GABARAP: variants seen among roughly 807,000 people sequenced by gnomAD.
The protein encoded by GABARAP is GABA type A receptor-associated protein.
Under a neutral mutation model 16.7 loss-of-function variants are expected in GABARAP, and 5 were observed. That is an observed-to-expected ratio of 0.30 (90% CI 0.16 to 0.63). GABARAP has a LOEUF of 0.63. Ranked by LOEUF, GABARAP falls within the 20% of genes least tolerant of loss-of-function variation. GABARAP has a pLI of 0.82. For missense variants in GABARAP, 84 were observed against 146.6 expected, an observed-to-expected ratio of 0.57 and a Z score of 2.21; for synonymous variants, 45 against 52.7, an observed-to-expected ratio of 0.85 and a Z score of 0.64.
At position 7,240,668 on chromosome 17, in the gene GABARAP, T is replaced by TTACAA; in HGVS notation, c.*181_*185dup. On this transcript the variant is annotated 3_prime_UTR_variant, in exon 4 of 4. Transcript: ENST00000302386. Reference sequence around the variant, plus strand: ...AAGGGGAAGAAAGGAGAAAGGAGAGTTACAAGATGCCAACTCCACCATTAC... The same window carrying TTACAA: ...AAGGGGAAGAAAGGAGAAAGGAGAGTTACAATACAAGATGCCAACTCCACCATTAC... The TTACAA allele has an allele frequency of 1.8e-6, 1 of 555,888 alleles. No homozygotes were observed. Among genetic ancestry groups the TTACAA allele is most frequent in the Non-Finnish European group, 3.2e-6 (1 of 311,218 alleles). 34.4% of individuals were successfully genotyped at this position (555,888 alleles called of 1,614,324 possible). A position where few individuals can be genotyped will look rare whatever the true frequency, so the allele number is the denominator to read the frequency against.
chr17:7,241,901 C>T (rs1953202595), intron 1 of GABARAP: 1 of 578,894 alleles, frequency 1.7e-6, no homozygotes. Flanking sequence ...TCACCATAAA[C>T]AACTATCTTA....
chr17:7,241,004 C>A, intron 3 of GABARAP, 85 bp from the exon 4 acceptor site: 1 of 872,578 alleles, frequency 1.1e-6, no homozygotes, highest in Non-Finnish European at 2.0e-6. Flanking sequence ...TCTAGAACCA[C>A]AAACCATTGC....
chr17:7,242,366 G>C lies in GABARAP; in HGVS notation c.-36C>G, dbSNP rs1318306459. ...ACCGGGCTGGACAGGGCTGGGCTGA[G>C]GGAACCCAGGGGGGCCGGGACGGGG... is the stretch of plus-strand genomic sequence containing the variant. On this transcript the variant is annotated 5_prime_UTR_variant, in exon 1 of 4. Transcript: ENST00000302386. 1 of 1,504,106 alleles carries C rather than the reference G, an allele frequency of 6.6e-7. No homozygotes were observed. The highest frequency in any genetic ancestry group is 9.2e-7 in the Non-Finnish European group (1 of 1,084,760). 93.2% of individuals were successfully genotyped at this position (1,504,106 alleles called of 1,614,324 possible).
At chr17:7,241,937 T>TA (rs1787318691) in intron 1 of GABARAP, 1 of 594,856 alleles carries the variant, frequency 1.7e-6, no homozygotes, top group Non-Finnish European at 3.0e-6. Flanking sequence ...CTTGTTTGGG[T>TA]CGACTAGTGA....
intron 1 of GABARAP, chr17:7,241,995 C>A (rs1212544950): frequency 1.7e-6 from 1 of 597,088 alleles, no homozygotes; most frequent in Non-Finnish European, 3.0e-6. Context: ...ATTTGAAGCT[C>A]AGGCTGTCAA....
Position 7,240,562 on chromosome 17 carries a change from A to C in GABARAP, c.*292T>G, listed in dbSNP as rs908278014. 6.3e-6 allele frequency: 2 copies of C among 317,354 alleles called. No homozygotes were observed. The highest frequency in any genetic ancestry group is 1.2e-5 in the Non-Finnish European group (2 of 168,808). The allele number at this position is 317,354 out of a possible 1,614,324, so 19.7% of individuals were successfully genotyped here. A position where few individuals can be genotyped will look rare whatever the true frequency, so the allele number is the denominator to read the frequency against. On this transcript the variant is annotated 3_prime_UTR_variant, in exon 4 of 4. Coordinates refer to ENST00000302386, the MANE Select transcript of GABARAP (RefSeq NM_007278.2). ...AGCCCCTTGGGCAGTCAGAAAGGGA[A>C]CAGAAACCAAAACAATCACTGGATG...
intron 1 of GABARAP, 44 bp downstream of exon 1, chr17:7,242,197 C>G (rs1045214962): frequency 1.3e-5 from 18 of 1,406,018 alleles, no homozygotes; most frequent in Non-Finnish European, 1.8e-5. Context: ...GCTGTGGCGT[C>G]AGCGTAAGCG....
chr17:7,241,505 G>A, intron 2 of GABARAP, 45 bp from the exon 3 acceptor site: 1 of 1,333,172 alleles, frequency 7.5e-7, no homozygotes, highest in South Asian at 1.2e-5. Context: ...GGTCAAAAAT[G>A]CCCTCAAAAG....
At position 7,240,521 on chromosome 17, in the gene GABARAP, GA is replaced by G; in HGVS notation, c.*332del. On this transcript the variant is annotated 3_prime_UTR_variant, in exon 4 of 4. Coordinates refer to ENST00000302386, the MANE Select transcript of GABARAP (RefSeq NM_007278.2). ...AAAAAAGAAGGTAGTGAAAGGAAGG[GA>G]TTGCTGGGGTTCTGAGCCCCTTGGG... is the stretch of plus-strand genomic sequence containing the variant. 1 of 216,834 alleles carries G rather than the reference GA, an allele frequency of 4.6e-6. No individual in the cohort carries two copies. The highest frequency in any genetic ancestry group is 2.3e-5 in the African/African-American group (1 of 43,310). 13.4% of individuals were successfully genotyped at this position (216,834 alleles called of 1,614,324 possible). A position where few individuals can be genotyped will look rare whatever the true frequency, so the allele number is the denominator to read the frequency against.
rs2071786191 is a variant in GABARAP, at chr17:7,242,337, G to A, written c.-7C>T. The A allele has an allele frequency of 4.3e-6, 7 of 1,611,782 alleles. No individual in the cohort carries two copies. In the South Asian group the frequency reaches 7.7e-5, roughly 18 times the overall value. ...CTTTGTACACGAACTTCATCCTCCC[G>A]GGAACCGGGCTGGACAGGGCTGGGC... is the stretch of plus-strand genomic sequence containing the variant. On this transcript the variant is annotated 5_prime_UTR_variant, in exon 1 of 4. Coordinates refer to ENST00000302386, the MANE Select transcript of GABARAP (RefSeq NM_007278.2).
At chr17:7,241,742 A>G in intron 1 of GABARAP, 63 bp from the exon 2 acceptor site, 1 of 969,000 alleles carries the variant, frequency 1.0e-6, no homozygotes, top group Non-Finnish European at 1.7e-6. Flanking sequence ...ACCTGTCAAG[A>G]ACTCAAGAAA....
At chr17:7,241,562 C>G (rs1285149009) in intron 2 of GABARAP, 39 bp downstream of exon 2, 1 of 1,489,644 alleles carries the variant, frequency 6.7e-7, no homozygotes, top group Non-Finnish European at 9.4e-7. Flanking sequence ...GCACTCCCAC[C>G]CACAGGAAGC....
chr17:7,240,453 T>G lies in GABARAP; in HGVS notation c.*401A>C, dbSNP rs2071764271. On this transcript the variant is annotated 3_prime_UTR_variant, in exon 4 of 4. Transcript: ENST00000302386. Reference sequence around the variant, plus strand: ...GTGGTTTCCTCTTTATTGATGTGCCTCCTACCTTCCCCCCACAATTTCAGT... The same window carrying G: ...GTGGTTTCCTCTTTATTGATGTGCCGCCTACCTTCCCCCCACAATTTCAGT... 5.6e-6 allele frequency: 1 copy of G among 178,038 alleles called. No individual in the cohort carries two copies. Among genetic ancestry groups the G allele is most frequent in the Admixed American group, 5.8e-5 (1 of 17,102 alleles). 11.0% of individuals were successfully genotyped at this position (178,038 alleles called of 1,614,324 possible).
In GABARAP at chr17:7,240,548, C is replaced by T. The variant is rs567908021; in HGVS notation, c.*306G>A. ...TTGCTGGGGTTCTGAGCCCCTTGGG[C>T]AGTCAGAAAGGGAACAGAAACCAAA... On this transcript the variant is annotated 3_prime_UTR_variant, in exon 4 of 4. Coordinates refer to ENST00000302386, the MANE Select transcript of GABARAP (RefSeq NM_007278.2). 5 of 278,420 alleles carry T rather than the reference C, an allele frequency of 1.8e-5. No individual in the cohort carries two copies. In the Admixed American group the frequency reaches 2.0e-4, roughly 11 times the overall value. 17.2% of individuals were successfully genotyped at this position (278,420 alleles called of 1,614,324 possible). A position where few individuals can be genotyped will look rare whatever the true frequency, so the allele number is the denominator to read the frequency against.
At chr17:7,241,901 CAACT>C (rs1274542342) in intron 1 of GABARAP, 11 of 578,894 alleles carry the variant, frequency 1.9e-5, no homozygotes, top group Middle Eastern at 4.4e-4. Context: ...TCACCATAAA[CAACT>C]ATCTTAATCA....
rs2071785589 is a variant in GABARAP at position 7,242,244 on chromosome 17, C to G, written c.87G>C (p.Val29=). Residue 29 remains valine, a synonymous_variant, in exon 1 of 4, where the codon GTG becomes GTC. Transcript: ENST00000302386. The part of the protein sequence containing the change: ...EKIRKKYPDR[V]PVIVEKAPKA... ...CGGCCCTGGCTACTGTCCTCACCGG[C>G]ACCCGGTCCGGGTATTTCTTTCGGA... 6.2e-7 allele frequency: 1 copy of G among 1,611,214 alleles called. No individual in the cohort carries two copies.
Position 7,240,805 on chromosome 17 carries a change from C to T in GABARAP, c.*49G>A, listed in dbSNP as rs1334933132. The T allele has an allele frequency of 3.8e-6, 5 of 1,308,488 alleles. No homozygotes were observed. The highest frequency in any genetic ancestry group is 5.5e-6 in the Non-Finnish European group (5 of 903,660). The allele number at this position is 1,308,488 out of a possible 1,614,324, so 81.1% of individuals were successfully genotyped here. A position where few individuals can be genotyped will look rare whatever the true frequency, so the allele number is the denominator to read the frequency against. On this transcript the variant is annotated 3_prime_UTR_variant, in exon 4 of 4. Transcript: ENST00000302386. ...GGAGGAGGTCAAGAAAGGGGGGCCACCTCTCTCTTTGTAGAATGAGACCCC... is the reference window on the plus strand; with the variant it reads ...GGAGGAGGTCAAGAAAGGGGGGCCATCTCTCTCTTTGTAGAATGAGACCCC...
In GABARAP at chr17:7,242,244, C is replaced by T; in HGVS notation, c.87G>A (p.Val29=). ...CGGCCCTGGCTACTGTCCTCACCGGCACCCGGTCCGGGTATTTCTTTCGGA... is the reference window on the plus strand; with the variant it reads ...CGGCCCTGGCTACTGTCCTCACCGGTACCCGGTCCGGGTATTTCTTTCGGA... ...EKIRKKYPDR[V]PVIVEKAPKA... is the part of the protein sequence containing the mutation. The change falls in exon 1 of 4, where the codon GTG becomes GTA. Residue 29 remains valine (V), a synonymous_variant. Coordinates refer to ENST00000302386, the MANE Select transcript of GABARAP (RefSeq NM_007278.2). 6.2e-7 allele frequency: 1 copy of T among 1,611,214 alleles called. No homozygotes were observed. Among genetic ancestry groups the T allele is most frequent in the Non-Finnish European group, 8.5e-7 (1 of 1,177,546 alleles).
rs1327805734 is a variant in GABARAP, at chr17:7,242,308, T to C, written c.23A>G (p.Glu8Gly). MKFVYKEEHPFEKRRSEG... is the reference protein window; with the variant it reads MKFVYKEGHPFEKRRSEG... Reference sequence around the variant, plus strand: ...AGAGCGGCGCTTCTCGAACGGATGCTCTTCTTTGTACACGAACTTCATCCT... The same window carrying C: ...AGAGCGGCGCTTCTCGAACGGATGCCCTTCTTTGTACACGAACTTCATCCT... The change falls in exon 1 of 4, where the codon GAG (glutamate) becomes GGG (glycine). Residue 8 changes from glutamate to glycine, a missense_variant. Coordinates refer to ENST00000302386, the MANE Select transcript of GABARAP (RefSeq NM_007278.2). 6.2e-7 allele frequency: 1 copy of C among 1,613,598 alleles called. No individual in the cohort carries two copies. The highest frequency in any genetic ancestry group is 8.5e-7 in the Non-Finnish European group (1 of 1,179,790).
Sources: gnomAD v4.1 joint callset for allele counts on GRCh38, gnomAD v4.1.1 for gene constraint, MANE v1.5 for transcripts, NCBI Gene and HGNC (gene_info 2026-07-23, HGNC 2026-07-21) for gene names.